The following TRPC6 variants were observed in gnomAD, a reference collection of about 807,000 sequenced individuals.
TRPC6 encodes short transient receptor potential channel 6.
A neutral mutation model predicts 90.7 loss-of-function variants in TRPC6; 55 were observed. The ratio of observed to expected loss-of-function variants is 0.61; its 90% CI spans 0.49 to 0.76. The LOEUF (loss-of-function observed/expected upper bound fraction) is 0.76. Among genes scored for constraint, TRPC6 ranks in the 30% least tolerant of loss-of-function variants. TRPC6 has a pLI of 0.00. For missense variants in TRPC6, 989 were observed against 1,122.7 expected, an observed-to-expected ratio of 0.88 and a Z score of 1.70; for synonymous variants, 393 against 393.0, an observed-to-expected ratio of 1.00 and a Z score of 0.00.
intron 5 of TRPC6, among the ~76,000 whole-genome samples, chr11:101,481,545 C>T (rs1222515513): frequency 6.6e-6 from 1 of 152,124 alleles, no homozygotes; most frequent in Non-Finnish European, 1.5e-5. Flanking sequence ...GCATGATCTC[C>T]CTTCTGTATT....
chr11:101,558,173 A>C (rs1448241679), intron 1 of TRPC6, among the ~76,000 whole-genome samples: 1 of 148,598 alleles, frequency 6.7e-6, no homozygotes, highest in Non-Finnish European at 1.5e-5. Context: ...ACAAACACAC[A>C]AATATATATA....
intron 1 of TRPC6, among the ~76,000 whole-genome samples, chr11:101,546,173 G>A (rs1453312477): frequency 2.1e-5 from 2 of 94,988 alleles, no homozygotes; most frequent in Admixed American, 1.3e-4. Flanking sequence ...CCGGGTTCAC[G>A]CCATTCTCCT....
In TRPC6 at chr11:101,504,525, A is replaced by T. The variant is rs372998438; in HGVS notation, c.444T>A (p.Ile148=). ...TTTCTTTCTTGAGAAGAAGTTCTGT[A>T]ATTTCCAGATGCTCATTGGCCACTG... ...QLAVANEHLE[I]TELLLKKENL... is the part of the protein sequence containing the mutation. The change falls in exon 2 of 13, where the codon ATT becomes ATA. Residue 148 remains isoleucine, a synonymous_variant. Transcript: ENST00000344327. 5.3e-5 allele frequency: 85 copies of T among 1,613,988 alleles called. No individual in the cohort carries two copies. Among genetic ancestry groups the T allele is most frequent in the Non-Finnish European group, 7.0e-5 (83 of 1,180,004 alleles).
intron 8 of TRPC6, 74 bp downstream of exon 8, chr11:101,472,063 C>A: frequency 7.1e-7 from 1 of 1,408,780 alleles, no homozygotes; most frequent in Non-Finnish European, 1.0e-6. Flanking sequence ...ATGCTTTCAT[C>A]CCCATTGCTG....
chr11:101,484,922 G>T (rs1350430962), intron 4 of TRPC6, among the ~76,000 whole-genome samples: 2 of 151,964 alleles, frequency 1.3e-5, no homozygotes, highest in African/African-American at 4.8e-5. Flanking sequence ...AACATATAGT[G>T]ATTAGATTAG....
At chr11:101,562,545 G>T (rs1565246101) in intron 1 of TRPC6, among the ~76,000 whole-genome samples, 3 of 152,164 alleles carry the variant, frequency 2.0e-5, no homozygotes, top group Admixed American at 1.3e-4. Context: ...TAGAACCAGT[G>T]ATTTAAATTT....
chr11:101,570,817 C>G (rs943469945), intron 1 of TRPC6, among the ~76,000 whole-genome samples: 1 of 152,130 alleles, frequency 6.6e-6, no homozygotes, highest in Non-Finnish European at 1.5e-5. Flanking sequence ...TGACAAAATG[C>G]AACAGCCCTT....
In TRPC6 at chr11:101,583,540, G is replaced by T; in HGVS notation, c.-37C>A. The T allele has an allele frequency of 2.1e-6, 3 of 1,417,482 alleles. No individual in the cohort carries two copies. The highest frequency in any genetic ancestry group is 2.7e-6 in the Non-Finnish European group (3 of 1,091,376). The allele number at this position is 1,417,482 out of a possible 1,614,324, so 87.8% of individuals were successfully genotyped here. A position where few individuals can be genotyped will look rare whatever the true frequency, so the allele number is the denominator to read the frequency against. The stretch of plus-strand genomic sequence containing the variant: ...CCGACTGGCCTGGGCCCCGCTCCCG[G>T]GGGAGCCGAGTGGGCAGTTCCAGCG... On this transcript the variant is annotated 5_prime_UTR_variant, in exon 1 of 13. Coordinates refer to ENST00000344327, the MANE Select transcript of TRPC6 (RefSeq NM_004621.6).
intron 5 of TRPC6, among the ~76,000 whole-genome samples, chr11:101,481,309 T>A (rs1425712328): frequency 6.6e-6 from 1 of 152,192 alleles, no homozygotes; most frequent in East Asian, 1.9e-4. Flanking sequence ...CTGAGCCTAA[T>A]TTTCTTTACA....
intron 1 of TRPC6, among the ~76,000 whole-genome samples, chr11:101,566,804 A>C (rs1248246802): frequency 6.6e-6 from 1 of 152,140 alleles, no homozygotes; most frequent in Non-Finnish European, 1.5e-5. Context: ...CTCCTAGCCA[A>C]GGAAAGCCAT....
At chr11:101,486,047 G>C (rs1218010150) in intron 4 of TRPC6, among the ~76,000 whole-genome samples, 1 of 151,726 alleles carries the variant, frequency 6.6e-6, no homozygotes, top group Non-Finnish European at 1.5e-5. Flanking sequence ...CTTATTAAAA[G>C]TCTTAGGGTA....
intron 1 of TRPC6, among the ~76,000 whole-genome samples, chr11:101,542,079 T>A (rs1413454222): frequency 7.2e-6 from 1 of 139,502 alleles, no homozygotes; most frequent in Non-Finnish European, 1.5e-5. Flanking sequence ...TATTCCTAGA[T>A]AAATTTTTTT....
chr11:101,579,735 C>T (rs962026469), intron 1 of TRPC6, among the ~76,000 whole-genome samples: 2 of 152,172 alleles, frequency 1.3e-5, no homozygotes, highest in Non-Finnish European at 1.5e-5. Context: ...CCTGTTCTCA[C>T]TGTATGCTGG....
At chr11:101,541,847 C>T (rs1003805870) in intron 1 of TRPC6, among the ~76,000 whole-genome samples, 7 of 152,212 alleles carry the variant, frequency 4.6e-5, no homozygotes, top group Non-Finnish European at 7.4e-5. Flanking sequence ...ACATTGGTAA[C>T]GACAATGGGC....
At chr11:101,459,859 ATATGAG>A (rs1223685728) in intron 10 of TRPC6, among the ~76,000 whole-genome samples, 7 of 152,316 alleles carry the variant, frequency 4.6e-5, no homozygotes, top group African/African-American at 1.4e-4. Context: ...TTTCTTTATA[ATATGAG>A]TATATTACAT....
intron 2 of TRPC6, among the ~76,000 whole-genome samples, chr11:101,494,671 A>G (rs1591085273): frequency 6.6e-6 from 1 of 152,222 alleles, no homozygotes; most frequent in Non-Finnish European, 1.5e-5. Flanking sequence ...AGAAAGTATG[A>G]TCTTTCAAAT....
intron 1 of TRPC6, among the ~76,000 whole-genome samples, chr11:101,562,973 T>C (rs1861746957): frequency 6.6e-6 from 1 of 152,222 alleles, no homozygotes; most frequent in Admixed American, 6.5e-5. Context: ...TAGTATGTTC[T>C]TCATTAGCGT....
At chr11:101,566,610 C>G (rs925402328) in intron 1 of TRPC6, among the ~76,000 whole-genome samples, 7 of 152,162 alleles carry the variant, frequency 4.6e-5, no homozygotes, top group Non-Finnish European at 8.8e-5. Flanking sequence ...CCAGTAGGAA[C>G]AGCTCCGGTC....
chr11:101,549,993 C>A (rs1339143497), intron 1 of TRPC6, among the ~76,000 whole-genome samples: 2 of 151,424 alleles, frequency 1.3e-5, no homozygotes, highest in Non-Finnish European at 3.0e-5. Flanking sequence ...TTATAACCTC[C>A]CTTTTTTCTG....
Sources: gnomAD v4.1 joint callset for allele counts (sites outside exome capture counted in the v4.1 genomes callset) on GRCh38, gnomAD v4.1.1 for gene constraint, MANE v1.5 for transcripts, NCBI Gene and HGNC (gene_info 2026-07-23, HGNC 2026-07-21) for gene names.